Variants in VMP1 observed in about 807,000 individuals in gnomAD.
VMP1 encodes the protein vacuole membrane protein 1.
Under a neutral mutation model 56.0 loss-of-function variants are expected in VMP1, and 11 were observed. That is an observed-to-expected ratio of 0.20 (90% CI 0.12 to 0.32). The LOEUF is 0.32. Among genes scored for constraint, VMP1 ranks in the 10% least tolerant of loss-of-function variants. The pLI is 1.00. For synonymous variants in VMP1, 149 were observed against 165.0 expected, an observed-to-expected ratio of 0.90 and a Z score of 0.74; for missense variants, 296 against 490.3, an observed-to-expected ratio of 0.60 and a Z score of 3.74.
intron 3 of VMP1, 125 bp from the exon 4 acceptor site, chr17:59,737,328 G>T: frequency 1.2e-6 from 1 of 818,446 alleles, no homozygotes; most frequent in South Asian, 2.0e-5. Context: ...GCCATGATGT[G>T]TAAGGAAAAG....
At chr17:59,810,727 C>A (rs946462717) in intron 8 of VMP1, among the ~76,000 whole-genome samples, 7 of 152,054 alleles carry the variant, frequency 4.6e-5, no homozygotes, top group Admixed American at 4.6e-4. Flanking sequence ...TTAGTCATGT[C>A]TTTTTTAAAG....
intron 5 of VMP1, among the ~76,000 whole-genome samples, chr17:59,742,004 A>G (rs749415158): frequency 1.3e-5 from 2 of 152,156 alleles, no homozygotes; most frequent in Admixed American, 6.5e-5. Context: ...CATTAACTGT[A>G]TAGAAAACAG....
intron 5 of VMP1, among the ~76,000 whole-genome samples, chr17:59,760,087 C>T (rs2035994736): frequency 6.7e-6 from 1 of 148,792 alleles, no homozygotes; most frequent in Non-Finnish European, 1.5e-5. Flanking sequence ...CACACTACTG[C>T]CCTCCAGCCT....
intron 5 of VMP1, among the ~76,000 whole-genome samples, chr17:59,762,484 A>T (rs915001582): frequency 1.3e-5 from 2 of 152,192 alleles, no homozygotes; most frequent in Admixed American, 6.5e-5. Flanking sequence ...TTTTTATTTG[A>T]ATTTTTCATA....
intron 1 of VMP1, among the ~76,000 whole-genome samples, chr17:59,726,418 C>T (rs905202671): frequency 6.6e-6 from 1 of 152,018 alleles, no homozygotes. Flanking sequence ...CTCAGCCTCC[C>T]GAGTAGCTGG....
chr17:59,803,493 G>T (rs1490332669), intron 7 of VMP1, among the ~76,000 whole-genome samples: 1 of 152,140 alleles, frequency 6.6e-6, no homozygotes, highest in Non-Finnish European at 1.5e-5. Flanking sequence ...TGTGAAAAAA[G>T]AAAAGTAGAA....
At chr17:59,821,727 T>G (rs2038462609) in intron 10 of VMP1, among the ~76,000 whole-genome samples, 1 of 151,686 alleles carries the variant, frequency 6.6e-6, no homozygotes, top group African/African-American at 2.4e-5. Flanking sequence ...TAATTTTTTA[T>G]TTTTAGTAGG....
At position 59,777,812 on chromosome 17, in the gene VMP1, TCAAAACAAAACAAAA is replaced by T. The variant is rs199590116; in HGVS notation, c.714+3958_714+3972del. On this transcript the variant is annotated intron_variant, in intron 7 of 11. Transcript: ENST00000262291. ...CTGGGCGACACAGCAAGACTCCGTCTCAAAACAAAACAAAACAAAACAAAACAAAACAAAACAAAA... is the reference window on the plus strand; with the variant it reads ...CTGGGCGACACAGCAAGACTCCGTCTCAAAACAAAACAAAACAAAACAAAA... Among the ~76,000 whole-genome samples the T allele has an allele frequency of 9.4e-4, 139 of 148,538 alleles. No homozygotes were observed. The Middle Eastern group carries it at 0.014, about 15-fold the overall frequency.
chr17:59,786,812 C>G (rs902733958), intron 7 of VMP1, among the ~76,000 whole-genome samples: 1 of 152,190 alleles, frequency 6.6e-6, no homozygotes, highest in African/African-American at 2.4e-5. Flanking sequence ...AGAAAAGCTT[C>G]CTGCTTGCAG....
chr17:59,763,149 T>A (rs1038142694), intron 5 of VMP1, among the ~76,000 whole-genome samples: 1 of 152,050 alleles, frequency 6.6e-6, no homozygotes, highest in African/African-American at 2.4e-5. Context: ...ACAGCTGATT[T>A]CTTCTTTTTT....
chr17:59,760,768 G>T (rs560873702), intron 5 of VMP1, among the ~76,000 whole-genome samples: 1 of 151,098 alleles, frequency 6.6e-6, no homozygotes, highest in Non-Finnish European at 1.5e-5. Context: ...TTACAGGTGC[G>T]CACCACCATA....
intron 10 of VMP1, among the ~76,000 whole-genome samples, chr17:59,822,298 GTTTT>G (rs770655259): frequency 7.1e-6 from 1 of 141,354 alleles, no homozygotes; most frequent in Non-Finnish European, 1.6e-5. Flanking sequence ...GACATGATTG[GTTTT>G]TTTATGTTTT....
At chr17:59,829,021 C>G (rs2038730114) in intron 10 of VMP1, among the ~76,000 whole-genome samples, 1 of 152,114 alleles carries the variant, frequency 6.6e-6, no homozygotes, top group Non-Finnish European at 1.5e-5. Context: ...GGGGTTGAGG[C>G]AGGAGAATCG....
intron 7 of VMP1, among the ~76,000 whole-genome samples, chr17:59,784,140 T>TTGGAGGGAGGAA (rs2036924638): frequency 1.5e-5 from 2 of 134,168 alleles, no homozygotes; most frequent in African/African-American, 5.8e-5. Flanking sequence ...TGTGTGTGTG[T>TTGGAGGGAGGAA]GTGAGAGAGA....
At chr17:59,773,712 G>A in intron 6 of VMP1, 42 bp from the exon 7 acceptor site, 3 of 1,547,032 alleles carry the variant, frequency 1.9e-6, no homozygotes, top group Non-Finnish European at 2.6e-6. Flanking sequence ...TGTCACTGTT[G>A]ATAACAGAAC....
intron 7 of VMP1, among the ~76,000 whole-genome samples, chr17:59,783,209 G>C (rs2036889788): frequency 6.6e-6 from 1 of 152,018 alleles, no homozygotes; most frequent in Admixed American, 6.6e-5. Flanking sequence ...AAAACAAAAA[G>C]AAATTGTTGT....
At chr17:59,805,244 C>A (rs896554005) in intron 7 of VMP1, among the ~76,000 whole-genome samples, 2 of 152,160 alleles carry the variant, frequency 1.3e-5, no homozygotes, top group African/African-American at 4.8e-5. Flanking sequence ...TCTGAAAGAA[C>A]GAGAAGTCTG....
intron 10 of VMP1, among the ~76,000 whole-genome samples, chr17:59,825,130 A>G (rs1392034637): frequency 8.5e-6 from 1 of 117,482 alleles, no homozygotes; most frequent in Non-Finnish European, 1.6e-5. Context: ...TCTATTGCCC[A>G]GGCTGGAGCG....
At chr17:59,752,042 G>A (rs568260044) in intron 5 of VMP1, among the ~76,000 whole-genome samples, 3 of 151,968 alleles carry the variant, frequency 2.0e-5, no homozygotes, top group Non-Finnish European at 4.4e-5. Context: ...CAAACTCCTC[G>A]GTTCAAGAGA....
Sources: gnomAD v4.1 joint callset for allele counts (sites outside exome capture counted in the v4.1 genomes callset) on GRCh38, gnomAD v4.1.1 for gene constraint, MANE v1.5 for transcripts, NCBI Gene and HGNC (gene_info 2026-07-23, HGNC 2026-07-21) for gene names.